The following PCSK1 variants were observed in gnomAD, a reference collection of about 807,000 sequenced individuals.
The protein encoded by PCSK1 is proprotein convertase subtilisin/kexin type 1.
In PCSK1, 56 loss-of-function variants were observed where a neutral mutation model predicts 90.6. The ratio of observed to expected loss-of-function variants is 0.62; its 90% CI spans 0.50 to 0.77. The LOEUF (loss-of-function observed/expected upper bound fraction) is 0.77, where lower values mean the gene tolerates loss of function less well. Among genes scored for constraint, PCSK1 ranks in the 30% least tolerant of loss-of-function variants. The probability of loss-of-function intolerance (pLI) is 0.00; values close to 1 mark genes in which losing one functional copy is unlikely to be tolerated. For synonymous variants in PCSK1, 348 were observed against 342.4 expected (o/e 1.02, Z -0.18); for missense variants, 801 against 932.6 (o/e 0.86, Z 1.84).
chr5:96,405,802 T>C (rs1356615166), intron 9 of PCSK1, among the ~76,000 whole-genome samples: 1 of 152,218 alleles, frequency 6.6e-6, no homozygotes, highest in Admixed American at 6.5e-5. Context: ...AAAATTGGCA[T>C]TACTTCTGTT....
At chr5:96,428,019 CT>C (rs1761369998) in intron 2 of PCSK1, among the ~76,000 whole-genome samples, 1 of 151,722 alleles carries the variant, frequency 6.6e-6, no homozygotes, top group Admixed American at 6.6e-5. Context: ...TGTAGATGAG[CT>C]ATACGGTCAC....
At chr5:96,427,537 A>G (rs1761348166) in intron 2 of PCSK1, among the ~76,000 whole-genome samples, 1 of 152,132 alleles carries the variant, frequency 6.6e-6, no homozygotes, top group Non-Finnish European at 1.5e-5. Flanking sequence ...ACAAAGTTAT[A>G]CCTGTGCTGG....
At chr5:96,426,749 T>C (rs937098516) in intron 2 of PCSK1, among the ~76,000 whole-genome samples, 3 of 152,188 alleles carry the variant, frequency 2.0e-5, no homozygotes, top group Admixed American at 6.5e-5. Flanking sequence ...GTATGCATGA[T>C]GACAATTCAG....
intron 7 of PCSK1, among the ~76,000 whole-genome samples, chr5:96,411,780 T>C (rs951522594): frequency 2.6e-5 from 4 of 152,178 alleles, no homozygotes; most frequent in Admixed American, 2.0e-4. Flanking sequence ...CCATTCAACC[T>C]CAGACCCAAA....
Position 96,429,331 on chromosome 5 carries a change from GAAATA to G in PCSK1, c.181-19_181-15del. 1 of 1,379,952 alleles carries G rather than the reference GAAATA, an allele frequency of 7.2e-7. No individual in the cohort carries two copies. The highest frequency in any genetic ancestry group is 1.0e-6 in the Non-Finnish European group (1 of 967,502). 85.5% of individuals were successfully genotyped at this position (1,379,952 alleles called of 1,614,324 possible). A position where few individuals can be genotyped will look rare whatever the true frequency, so the allele number is the denominator to read the frequency against. On this transcript the variant is annotated splice_polypyrimidine_tract_variant and intron_variant, in intron 1 of 13. Coordinates refer to ENST00000311106, the MANE Select transcript of PCSK1 (RefSeq NM_000439.5). ...AAGTGAACCAATCTATAAAAGGAAA[GAAATA>G]AAATAAATATCCACGTTCCCAAACA...
chr5:96,414,672 G>T (rs1760884982), intron 6 of PCSK1, among the ~76,000 whole-genome samples: 1 of 152,190 alleles, frequency 6.6e-6, no homozygotes, highest in African/African-American at 2.4e-5. Flanking sequence ...TCATTACCTT[G>T]AGCAGCTTGC....
At chr5:96,412,762 T>TTTTTTTTTTTTTTTG (rs1760810925) in intron 6 of PCSK1, among the ~76,000 whole-genome samples, 1 of 144,360 alleles carries the variant, frequency 6.9e-6, no homozygotes, top group Admixed American at 6.8e-5. Context: ...GTTTTTTTTT[T>TTTTTTTTTTTTTTTG]TTTTTTTTTT....
chr5:96,400,230 GT>G lies in PCSK1; in HGVS notation c.1197-45del, dbSNP rs1448924227. The stretch of plus-strand genomic sequence containing the variant: ...AAAGTGTCTTTCAGAGAAAAATGAA[GT>G]TTCCTTGCAAAAGCAAGTGCTAACA... On this transcript the variant is annotated intron_variant, in intron 9 of 13. Coordinates refer to ENST00000311106, the MANE Select transcript of PCSK1 (RefSeq NM_000439.5). 7.1e-6 allele frequency: 10 copies of G among 1,406,742 alleles called. No individual in the cohort carries two copies. The East Asian group carries it at 2.0e-4, about 29-fold the overall frequency. The allele number at this position is 1,406,742 out of a possible 1,614,324, so 87.1% of individuals were successfully genotyped here.
chr5:96,425,032 GAAA>G, intron 3 of PCSK1, among the ~76,000 whole-genome samples: 1 of 98,276 alleles, frequency 1.0e-5, no homozygotes, highest in Non-Finnish European at 2.3e-5. Context: ...AAGAAAGAAA[GAAA>G]GAAAGAAAGA....
chr5:96,402,787 C>A (rs1760426616), intron 9 of PCSK1, among the ~76,000 whole-genome samples: 1 of 152,074 alleles, frequency 6.6e-6, no homozygotes, highest in Admixed American at 6.5e-5. Flanking sequence ...GAGCTGAGCT[C>A]CCGACAAACA....
chr5:96,417,009 C>G (rs528201443), intron 5 of PCSK1, among the ~76,000 whole-genome samples: 1 of 152,166 alleles, frequency 6.6e-6, no homozygotes. Flanking sequence ...ATTGTGGAAA[C>G]AACCTGTAAG....
intron 9 of PCSK1, among the ~76,000 whole-genome samples, chr5:96,402,212 G>A (rs142462471): frequency 5.5e-4 from 84 of 152,268 alleles, no homozygotes; most frequent in Non-Finnish European, 9.9e-4. Flanking sequence ...GTTAAAAACC[G>A]TGTGTGATTT....
At chr5:96,418,899 T>A (rs570196230) in intron 5 of PCSK1, among the ~76,000 whole-genome samples, 1 of 152,292 alleles carries the variant, frequency 6.6e-6, no homozygotes, top group African/African-American at 2.4e-5. Context: ...TCGGATGATA[T>A]TATTCTTGTC....
chr5:96,421,474 C>T (rs1761126929), intron 5 of PCSK1, among the ~76,000 whole-genome samples: 1 of 152,120 alleles, frequency 6.6e-6, no homozygotes, highest in Admixed American at 6.5e-5. Flanking sequence ...AAGTTGTGGG[C>T]ATTGTTCATA....
intron 9 of PCSK1, among the ~76,000 whole-genome samples, chr5:96,403,714 G>A (rs1328222886): frequency 1.3e-5 from 2 of 152,208 alleles, no homozygotes; most frequent in Non-Finnish European, 2.9e-5. Context: ...AAATTCCAGA[G>A]TGAAAAGTCT....
rs1759931437 is a variant in PCSK1 at position 96,391,361 on chromosome 5, G to A, written c.*1640C>T. On this transcript the variant is annotated 3_prime_UTR_variant, in exon 14 of 14. Coordinates refer to ENST00000311106, the MANE Select transcript of PCSK1 (RefSeq NM_000439.5). ...TACCTTATGAAGTTCAAACTTCATG[G>A]AAAAATTGCAAACAGCAAACTCAGT... 1.3e-5 allele frequency: 2 copies of A among 152,164 alleles called. No individual in the cohort carries two copies. 9.4% of individuals were successfully genotyped at this position (152,164 alleles called of 1,614,324 possible). A position where few individuals can be genotyped will look rare whatever the true frequency, so the allele number is the denominator to read the frequency against.
intron 6 of PCSK1, among the ~76,000 whole-genome samples, chr5:96,414,953 A>G (rs1498928): frequency 0.91 from 138,173 of 152,296 alleles, 62,918 homozygotes; most frequent in African/African-American, 0.98. Flanking sequence ...TTCTAAAAAG[A>G]AATGCATAAC....
In PCSK1 at chr5:96,392,196, G is replaced by A. The variant is rs1759968145; in HGVS notation, c.*805C>T. On this transcript the variant is annotated 3_prime_UTR_variant, in exon 14 of 14. Coordinates refer to ENST00000311106, the MANE Select transcript of PCSK1 (RefSeq NM_000439.5). ...TAAGTTTTTTTTTTTCTGGGAAAGT[G>A]GTATATATCATTTCTCCCAACATTT... The A allele has an allele frequency of 6.6e-6, 1 of 151,808 alleles. No homozygotes were observed. The highest frequency in any genetic ancestry group is 1.5e-5 in the Non-Finnish European group (1 of 67,974). The allele number at this position is 151,808 out of a possible 1,614,324, so 9.4% of individuals were successfully genotyped here.
At chr5:96,412,752 G>GTTTTTTTTTTTTTTTTTTTTTTTTTTTTT (rs57397343) in intron 6 of PCSK1, among the ~76,000 whole-genome samples, 2 of 71,806 alleles carry the variant, frequency 2.8e-5, no homozygotes, top group African/African-American at 1.8e-4. Context: ...CAGCTGTGAT[G>GTTTTTTTTTTTTTTTTTTTTTTTTTTTTT]TTTTTTTTTT....
Sources: allele counts gnomAD v4.1 joint callset (sites outside exome capture counted in the v4.1 genomes callset), GRCh38; gene constraint gnomAD v4.1.1; transcripts MANE v1.5; gene names NCBI Gene and HGNC (gene_info 2026-07-23, HGNC 2026-07-21).